Variants in MOB3B observed in about 807,000 individuals in gnomAD.
The protein encoded by MOB3B is MOB kinase activator 3B.
A neutral mutation model predicts 18.7 loss-of-function variants in MOB3B; 7 were observed. That is an observed-to-expected ratio of 0.37 (90% CI 0.21 to 0.70). The LOEUF is 0.70. MOB3B is among the 30% of genes least tolerant of loss of function. MOB3B has a pLI of 0.52. For synonymous variants in MOB3B, 111 were observed against 99.9 expected (o/e 1.11, Z -0.66); for missense variants, 253 against 281.3 (o/e 0.90, Z 0.72).
chr9:27,528,370 T>A (rs1820469425), intron 1 of MOB3B, among the ~76,000 whole-genome samples: 1 of 152,228 alleles, frequency 6.6e-6, no homozygotes, highest in Admixed American at 6.5e-5. Flanking sequence ...CGCTCTGGAT[T>A]GGGGCGGAAC....
At chr9:27,428,824 G>T (rs1461215065) in intron 2 of MOB3B, among the ~76,000 whole-genome samples, 1 of 152,216 alleles carries the variant, frequency 6.6e-6, no homozygotes, top group Non-Finnish European at 1.5e-5. Context: ...TGTAGATAAG[G>T]GACTGGGTGG....
At chr9:27,426,844 C>T (rs1822341536) in intron 2 of MOB3B, among the ~76,000 whole-genome samples, 1 of 152,278 alleles carries the variant, frequency 6.6e-6, no homozygotes, top group African/African-American at 2.4e-5. Flanking sequence ...CCCACCTCCA[C>T]CCCCATGTGC....
chr9:27,476,008 C>T (rs1819549006), intron 1 of MOB3B, among the ~76,000 whole-genome samples: 1 of 152,206 alleles, frequency 6.6e-6, no homozygotes, highest in South Asian at 2.1e-4. Flanking sequence ...GGCTTCCCAT[C>T]ACACTCAGAA....
chr9:27,340,750 T>C (rs1471094862), intron 3 of MOB3B, among the ~76,000 whole-genome samples: 1 of 152,232 alleles, frequency 6.6e-6, no homozygotes, highest in Non-Finnish European at 1.5e-5. Context: ...GAGCCTGTGA[T>C]TTCTGCTCAA....
chr9:27,392,476 C>T (rs1334353937), intron 2 of MOB3B, among the ~76,000 whole-genome samples: 2 of 152,046 alleles, frequency 1.3e-5, no homozygotes, highest in Non-Finnish European at 2.9e-5. Flanking sequence ...ATAAAGTCGC[C>T]TACGTTTATG....
intron 1 of MOB3B, among the ~76,000 whole-genome samples, chr9:27,487,145 A>AAATAAATAAATG (rs1183123947): frequency 6.6e-6 from 1 of 150,686 alleles, no homozygotes; most frequent in Admixed American, 6.6e-5. Context: ...ATAAATAAAT[A>AAATAAATAAATG]AATAAATAAA....
At chr9:27,457,300 G>A (rs888941940) in intron 1 of MOB3B, among the ~76,000 whole-genome samples, 1 of 152,222 alleles carries the variant, frequency 6.6e-6, no homozygotes, top group Non-Finnish European at 1.5e-5. Flanking sequence ...ATAGAGAGGA[G>A]ATAACTGATC....
chr9:27,438,486 CA>C (rs1275607225), intron 2 of MOB3B, among the ~76,000 whole-genome samples: 1 of 152,162 alleles, frequency 6.6e-6, no homozygotes, highest in Non-Finnish European at 1.5e-5. Context: ...AGCAGATGGG[CA>C]AAGTGCTGGG....
At chr9:27,371,033 C>T (rs947225950) in intron 2 of MOB3B, among the ~76,000 whole-genome samples, 7 of 152,066 alleles carry the variant, frequency 4.6e-5, no homozygotes, top group Admixed American at 2.6e-4. Flanking sequence ...TTACTGATAC[C>T]GAGGAAGAAG....
At chr9:27,469,093 GAAA>G (rs1819433115) in intron 1 of MOB3B, among the ~76,000 whole-genome samples, 1 of 152,070 alleles carries the variant, frequency 6.6e-6, no homozygotes, top group Non-Finnish European at 1.5e-5. Context: ...TACCTCAGAG[GAAA>G]AAATAATGGG....
At chr9:27,359,000 G>T in intron 3 of MOB3B, 34 bp downstream of exon 3, 1 of 1,605,016 alleles carries the variant, frequency 6.2e-7, no homozygotes. Flanking sequence ...CTCCTGGGGT[G>T]ACTTGGATAC....
At chr9:27,437,015 G>A (rs928536054) in intron 2 of MOB3B, among the ~76,000 whole-genome samples, 1 of 150,828 alleles carries the variant, frequency 6.6e-6, no homozygotes, top group African/African-American at 2.4e-5. Flanking sequence ...ACCTGGGGGT[G>A]GGGGGAGTGT....
chr9:27,406,577 A>G (rs1821981739), intron 2 of MOB3B, among the ~76,000 whole-genome samples: 2 of 152,220 alleles, frequency 1.3e-5, no homozygotes, highest in Non-Finnish European at 2.9e-5. Context: ...ATCCAAAAGT[A>G]AATTTATGCA....
chr9:27,335,614 C>T (rs1820852532), intron 3 of MOB3B, among the ~76,000 whole-genome samples: 1 of 152,132 alleles, frequency 6.6e-6, no homozygotes, highest in African/African-American at 2.4e-5. Flanking sequence ...AACCTCATCC[C>T]CCATCGGTGG....
intron 1 of MOB3B, among the ~76,000 whole-genome samples, chr9:27,468,073 A>G (rs577631060): frequency 7.9e-5 from 12 of 152,344 alleles, no homozygotes; most frequent in African/African-American, 2.6e-4. Context: ...ACATTAGTTC[A>G]ACAAGAACTC....
intron 1 of MOB3B, among the ~76,000 whole-genome samples, chr9:27,519,127 A>G (rs556557248): frequency 1.4e-4 from 21 of 152,322 alleles, no homozygotes; most frequent in Middle Eastern, 3.4e-3. Context: ...TTTCCCCGAC[A>G]TCTGACTTTG....
At position 27,527,559 on chromosome 9, in the gene MOB3B, T is replaced by C. The variant is rs1211124759; in HGVS notation, c.-199+1996A>G. Among the ~76,000 whole-genome samples the C allele has an allele frequency of 2.0e-5, 3 of 152,338 alleles. No individual in the cohort carries two copies. The East Asian group carries it at 5.8e-4, about 29-fold the overall frequency. The stretch of plus-strand genomic sequence containing the variant: ...GAGCTGTGCAGAGCCAAGCTTCTGG[T>C]ATCCACTGACAATGTCTGAGTGGGT... On this transcript the variant is annotated intron_variant, in intron 1 of 3. Transcript: ENST00000262244.
intron 1 of MOB3B, among the ~76,000 whole-genome samples, chr9:27,463,566 C>T (rs550811945): frequency 5.5e-4 from 83 of 152,252 alleles, no homozygotes; most frequent in African/African-American, 1.6e-3. Context: ...GGAAACTTCG[C>T]GGTCTAGATT....
rs188893010 is a variant in MOB3B at position 27,329,112 on chromosome 9, T to C, written c.*1475A>G. On this transcript the variant is annotated 3_prime_UTR_variant, in exon 4 of 4. Transcript: ENST00000262244. ...CACAGAGGGCTTTAACACATTATGA[T>C]TGATAAAACAAAATCAGAGTCATTT... The C allele has an allele frequency of 2.6e-5, 4 of 152,344 alleles. No individual in the cohort carries two copies. In the East Asian group the frequency reaches 5.8e-4, roughly 22 times the overall value. 9.4% of individuals were successfully genotyped at this position (152,344 alleles called of 1,614,324 possible).
Sources: allele counts gnomAD v4.1 joint callset (sites outside exome capture counted in the v4.1 genomes callset), GRCh38; gene constraint gnomAD v4.1.1; transcripts MANE v1.5; gene names NCBI Gene and HGNC (gene_info 2026-07-23, HGNC 2026-07-21).